Variants in NT5C2 observed in about 807,000 individuals in gnomAD.
The protein encoded by NT5C2 is 5'-nucleotidase, cytosolic II, also known as cytosolic purine 5'-nucleotidase.
A neutral mutation model predicts 76.1 loss-of-function variants in NT5C2; 58 were observed. The observed-to-expected ratio is 0.76, with a 90% confidence interval of 0.62 to 0.95. NT5C2 has a LOEUF of 0.95. Among genes scored for constraint, NT5C2 ranks in the 40% least tolerant of loss-of-function variants. The probability of loss-of-function intolerance (pLI) is 0.00; values close to 1 mark genes in which losing one functional copy is unlikely to be tolerated. For missense variants in NT5C2, 478 were observed against 690.3 expected (o/e 0.69, Z 3.45); for synonymous variants, 229 against 237.4 (o/e 0.96, Z 0.32).
intron 18 of NT5C2, chr10:103,090,115 C>T (rs965316004): frequency 1.1e-5 from 5 of 450,774 alleles, no homozygotes; most frequent in African/African-American, 1.0e-4. Context: ...CCCATATTGT[C>T]TACTGCAGCT....
chr10:103,093,351 T>TA (rs2067377901), intron 14 of NT5C2, 42 bp from the exon 15 acceptor site: 1 of 1,477,754 alleles, frequency 6.8e-7, no homozygotes, highest in Non-Finnish European at 9.1e-7. Context: ...GTCCCTATAT[T>TA]AAAATCAGCA....
At chr10:103,183,334 C>CT (rs377139530) in intron 1 of NT5C2, among the ~76,000 whole-genome samples, 1,071 of 88,442 alleles carry the variant, frequency 0.012, 27 homozygotes, top group African/African-American at 0.04. Flanking sequence ...AAATTATTAG[C>CT]TTTTTTTTTT....
rs2066070405 is a variant in NT5C2 at position 103,089,080 on chromosome 10, G to C, written c.*592C>G. 1 of 224,068 alleles carries C rather than the reference G, an allele frequency of 4.5e-6. No homozygotes were observed. Among genetic ancestry groups the C allele is most frequent in the South Asian group, 1.8e-4 (1 of 5,452 alleles). 13.9% of individuals were successfully genotyped at this position (224,068 alleles called of 1,614,324 possible). On this transcript the variant is annotated 3_prime_UTR_variant, in exon 19 of 19. Transcript: ENST00000404739. ...CCTCAAAATAGAATCCTGCCCTAAA[G>C]CAACGCAAGTAGAGCATACTTCTGT...
At chr10:103,096,845 CAAAAAAAAAA>C (rs71019656) in intron 11 of NT5C2, among the ~76,000 whole-genome samples, 16 of 31,374 alleles carry the variant, frequency 5.1e-4, no homozygotes, top group East Asian at 2.4e-3. Flanking sequence ...GACTCTGTCT[CAAAAAAAAAA>C]AAAAAAAAAA....
At chr10:103,148,944 CATAAT>C (rs2081974419) in intron 3 of NT5C2, among the ~76,000 whole-genome samples, 1 of 152,082 alleles carries the variant, frequency 6.6e-6, no homozygotes, top group Non-Finnish European at 1.5e-5. Context: ...GGGATATACT[CATAAT>C]ATGAGGATAA....
At chr10:103,162,019 ATTGT>A (rs1346797852) in intron 3 of NT5C2, among the ~76,000 whole-genome samples, 5 of 152,050 alleles carry the variant, frequency 3.3e-5, no homozygotes, top group African/African-American at 7.2e-5. Flanking sequence ...TTATAATTCA[ATTGT>A]TTGTTTGTTT....
In NT5C2 at chr10:103,106,656, T is replaced by G. The variant is rs1204781832; in HGVS notation, c.226A>C (p.Arg76=). 6.2e-7 allele frequency: 1 copy of G among 1,613,714 alleles called. No individual in the cohort carries two copies. The highest frequency in any genetic ancestry group is 8.5e-7 in the Non-Finnish European group (1 of 1,179,756). The change falls in exon 5 of 19, where the codon AGA becomes CGA. Residue 76 remains arginine (R), a synonymous_variant. Transcript: ENST00000404739. ...ESLGFELTVE[R]LVSIGYPQEL... is the part of the protein sequence containing the mutation. Reference sequence around the variant, plus strand: ...TGGGGATAGCCAATAGAAACTAATCTCTCCACAGTAAGCTCAAAACCAAGG... The same window carrying G: ...TGGGGATAGCCAATAGAAACTAATCGCTCCACAGTAAGCTCAAAACCAAGG...
chr10:103,095,510 CTT>C (rs1213624787), intron 12 of NT5C2, among the ~76,000 whole-genome samples: 1 of 152,218 alleles, frequency 6.6e-6, no homozygotes, highest in Non-Finnish European at 1.5e-5. Flanking sequence ...TGAGTGCTCT[CTT>C]GGCAAAAACT....
At chr10:103,092,174 TTCC>T (rs1241965339) in intron 15 of NT5C2, among the ~76,000 whole-genome samples, 3 of 152,178 alleles carry the variant, frequency 2.0e-5, no homozygotes, top group Admixed American at 1.3e-4. Context: ...TCAGTCTGGG[TTCC>T]TCAAGACAAG....
chr10:103,173,360 G>A (rs2088792932), intron 3 of NT5C2, among the ~76,000 whole-genome samples: 1 of 151,918 alleles, frequency 6.6e-6, no homozygotes, highest in African/African-American at 2.4e-5. Flanking sequence ...GCTCACGCCT[G>A]TAATCCCAGC....
At chr10:103,141,253 T>G (rs2080366788) in intron 3 of NT5C2, among the ~76,000 whole-genome samples, 1 of 152,152 alleles carries the variant, frequency 6.6e-6, no homozygotes, top group Non-Finnish European at 1.5e-5. Context: ...GCTCAAGAGT[T>G]CTAGACCAGC....
chr10:103,127,246 A>G (rs565794676), intron 4 of NT5C2, among the ~76,000 whole-genome samples: 2 of 152,358 alleles, frequency 1.3e-5, no homozygotes, highest in South Asian at 4.1e-4. Context: ...TTCTATGGGT[A>G]GTAGATTCAG....
intron 3 of NT5C2, among the ~76,000 whole-genome samples, chr10:103,141,259 C>T (rs955748680): frequency 6.6e-6 from 1 of 152,102 alleles, no homozygotes; most frequent in South Asian, 2.1e-4. Context: ...GAGTTCTAGA[C>T]CAGCCTAGGT....
At chr10:103,131,961 C>T (rs1238860595) in intron 4 of NT5C2, among the ~76,000 whole-genome samples, 2 of 151,496 alleles carry the variant, frequency 1.3e-5, no homozygotes, top group African/African-American at 4.9e-5. Flanking sequence ...AAAGTATTGG[C>T]CAGGCATGGT....
chr10:103,104,091 T>A (rs1189182614), intron 6 of NT5C2, among the ~76,000 whole-genome samples: 1 of 152,218 alleles, frequency 6.6e-6, no homozygotes, highest in South Asian at 2.1e-4. Context: ...AGAAGTCTTC[T>A]TGCCTTGTCC....
chr10:103,109,008 G>A lies in NT5C2; in HGVS notation c.176-2302C>T, dbSNP rs556397855. On this transcript the variant is annotated intron_variant, in intron 4 of 18. Coordinates refer to ENST00000404739, the MANE Select transcript of NT5C2 (RefSeq NM_001351169.2). The stretch of plus-strand genomic sequence containing the variant: ...CAAGTAGCTGGGATTACAGGTGCCC[G>A]CCACCACACCTGGTATTTTTAGTTG... 1.6e-4 allele frequency among the ~76,000 whole-genome samples: 25 copies of A among 151,950 alleles called. No homozygotes were observed. In the South Asian group the frequency reaches 2.9e-3, roughly 18 times the overall value.
intron 4 of NT5C2, among the ~76,000 whole-genome samples, chr10:103,109,557 G>A (rs1262271871): frequency 6.6e-6 from 1 of 152,142 alleles, no homozygotes; most frequent in African/African-American, 2.4e-5. Flanking sequence ...AGTAATTTGG[G>A]TAATCTACTG....
chr10:103,178,954 C>CTTTTTCTT (rs1554837839), intron 2 of NT5C2, among the ~76,000 whole-genome samples: 2 of 128,480 alleles, frequency 1.6e-5, no homozygotes, highest in East Asian at 2.3e-4. Context: ...TTCTTTTTTT[C>CTTTTTCTT]TTTTTTTTTT....
intron 4 of NT5C2, among the ~76,000 whole-genome samples, chr10:103,120,462 T>A (rs1328660597): frequency 6.6e-6 from 1 of 152,134 alleles, no homozygotes; most frequent in Non-Finnish European, 1.5e-5. Flanking sequence ...TTTAAAAACC[T>A]AATTTTAAAA....
Sources: allele counts gnomAD v4.1 joint callset (sites outside exome capture counted in the v4.1 genomes callset), GRCh38; gene constraint gnomAD v4.1.1; transcripts MANE v1.5; gene names NCBI Gene and HGNC (gene_info 2026-07-23, HGNC 2026-07-21).